Variants in RGS9 observed in about 807,000 individuals in gnomAD.
RGS9 encodes regulator of G-protein signalling 9.
In RGS9, 78 loss-of-function variants were observed where a neutral mutation model predicts 102.0. The observed-to-expected ratio is 0.76, with a 90% CI of 0.64 to 0.92. The LOEUF (loss-of-function observed/expected upper bound fraction) is 0.92. Among genes scored for constraint, RGS9 ranks in the 40% least tolerant of loss-of-function variants. The pLI is 0.00. For synonymous variants in RGS9, 353 were observed against 318.6 expected (o/e 1.11, Z -1.15); for missense variants, 833 against 866.1 (o/e 0.96, Z 0.48).
rs999967922 is a variant in RGS9 at position 65,200,273 on chromosome 17, G to A, written c.977-1720G>A. Among the ~76,000 whole-genome samples the A allele has an allele frequency of 4.0e-5, 6 of 151,448 alleles. No homozygotes were observed. The South Asian group carries it at 6.3e-4, about 16-fold the overall frequency. The stretch of plus-strand genomic sequence containing the variant: ...TCTCGAACTCCTGACCTTGTGATCC[G>A]CCCCCCTCAGCCTCCCAAAGTGCTG... On this transcript the variant is annotated intron_variant, in intron 13 of 18. Coordinates refer to ENST00000262406, the MANE Select transcript of RGS9 (RefSeq NM_003835.4).
chr17:65,160,897 A>G lies in RGS9; in HGVS notation c.411A>G (p.Glu137=). Residue 137 remains glutamate (E), a synonymous_variant, in exon 6 of 19, where the codon GAA becomes GAG. Transcript: ENST00000262406. ...ATATCAAAAAGAAAGGGATTTTGGAAGAATATGAAAAGGTATGGAGGTGCT... is the reference window on the plus strand; with the variant it reads ...ATATCAAAAAGAAAGGGATTTTGGAGGAATATGAAAAGGTATGGAGGTGCT... ...KRNIKKKGIL[E]EYEKENYNFL... The G allele has an allele frequency of 6.2e-7, 1 of 1,613,652 alleles. No individual in the cohort carries two copies. The highest frequency in any genetic ancestry group is 2.2e-5 in the East Asian group (1 of 44,890).
At chr17:65,215,544 CTTTTTT>C (rs1228869868) in intron 17 of RGS9, among the ~76,000 whole-genome samples, 1 of 105,134 alleles carries the variant, frequency 9.5e-6, no homozygotes, top group African/African-American at 4.3e-5. Flanking sequence ...TTCTTTCTTT[CTTTTTT>C]TTTGTTTTGA....
chr17:65,162,111 G>A (rs1023013234), intron 6 of RGS9, among the ~76,000 whole-genome samples: 3 of 152,270 alleles, frequency 2.0e-5, no homozygotes, highest in African/African-American at 7.2e-5. Flanking sequence ...GAGTTTCCAG[G>A]TTGGGTGTGG....
rs35132424 is a variant in RGS9 at position 65,143,936 on chromosome 17, G to GAAA, written c.57+6351_57+6353dup. Among the ~76,000 whole-genome samples, 998 of 138,234 alleles carry GAAA rather than the reference G, an allele frequency of 7.2e-3. 16 individuals carry two copies. Among genetic ancestry groups the GAAA allele is most frequent in the African/African-American group, 0.025 (938 of 37,676 alleles). 90.7% of individuals were successfully genotyped at this position (138,234 alleles called of 152,430 possible). A position where few individuals can be genotyped will look rare whatever the true frequency, so the allele number is the denominator to read the frequency against. On this transcript the variant is annotated intron_variant, in intron 1 of 18. Coordinates refer to ENST00000262406, the MANE Select transcript of RGS9 (RefSeq NM_003835.4). ...TGATCATGCCACTGTACTCCAGCCT[G>GAAA]AAAAAAAAAAAAAAGGAAACAAAAG...
intron 1 of RGS9, among the ~76,000 whole-genome samples, chr17:65,139,219 C>T (rs1910056147): frequency 1.4e-5 from 2 of 141,626 alleles, no homozygotes; most frequent in African/African-American, 5.3e-5. Context: ...TCCATCCTAA[C>T]TTACCTCTCC....
intron 7 of RGS9, among the ~76,000 whole-genome samples, chr17:65,165,145 C>A (rs1335457855): frequency 1.3e-5 from 2 of 152,144 alleles, no homozygotes; most frequent in African/African-American, 4.8e-5. Flanking sequence ...CTGAGCAGGA[C>A]TATCCCAGCA....
intron 9 of RGS9, among the ~76,000 whole-genome samples, chr17:65,181,867 C>T (rs1464425597): frequency 6.6e-6 from 1 of 152,208 alleles, no homozygotes; most frequent in Non-Finnish European, 1.5e-5. Flanking sequence ...GTCTAGAATG[C>T]TAATCAACAC....
chr17:65,208,569 T>C (rs918353067), intron 16 of RGS9, among the ~76,000 whole-genome samples: 10 of 152,174 alleles, frequency 6.6e-5, no homozygotes, highest in Non-Finnish European at 5.9e-5. Flanking sequence ...ATTGGGACAA[T>C]GGACGAAATA....
intron 18 of RGS9, among the ~76,000 whole-genome samples, chr17:65,226,511 A>G (rs971549608): frequency 6.6e-6 from 1 of 152,108 alleles, no homozygotes; most frequent in African/African-American, 2.4e-5. Flanking sequence ...GGAATATTCC[A>G]GCTTTGGGGC....
intron 17 of RGS9, among the ~76,000 whole-genome samples, chr17:65,215,683 C>T (rs2144119492): frequency 6.6e-6 from 1 of 152,084 alleles, no homozygotes; most frequent in East Asian, 1.9e-4. Context: ...GCCTCAGCCT[C>T]CCCAGTAGCT....
chr17:65,149,469 A>C (rs1486486858), intron 1 of RGS9, among the ~76,000 whole-genome samples: 1 of 152,116 alleles, frequency 6.6e-6, no homozygotes, highest in Non-Finnish European at 1.5e-5. Flanking sequence ...GACTGGGTGT[A>C]TGTCTTTTAC....
chr17:65,210,026 C>T (rs991508385), intron 16 of RGS9, among the ~76,000 whole-genome samples: 3 of 152,034 alleles, frequency 2.0e-5, no homozygotes, highest in African/African-American at 7.2e-5. Flanking sequence ...TGCAGTGAGC[C>T]GAAGTCGTGC....
chr17:65,187,161 T>C (rs2144057034), intron 9 of RGS9, among the ~76,000 whole-genome samples: 1 of 152,342 alleles, frequency 6.6e-6, no homozygotes, highest in Admixed American at 6.5e-5. Flanking sequence ...CCCATTCTTC[T>C]AGGCCCCCAA....
rs371447161 is a variant in RGS9, at chr17:65,146,204, T to A, written c.58-7218T>A. The stretch of plus-strand genomic sequence containing the variant: ...ATATGGGCTCCCTGCTTTTATAACA[T>A]GCTGCTGTTACATCTAATAAAAACC... On this transcript the variant is annotated intron_variant, in intron 1 of 18. Transcript: ENST00000262406. 1.4e-4 allele frequency among the ~76,000 whole-genome samples: 21 copies of A among 152,206 alleles called. 1 individual carries two copies. Among genetic ancestry groups the A allele is most frequent in the African/African-American group, 5.1e-4 (21 of 41,442 alleles).
chr17:65,156,286 G>A (rs556591502), intron 2 of RGS9, among the ~76,000 whole-genome samples: 85 of 152,342 alleles, frequency 5.6e-4, no homozygotes, highest in Non-Finnish European at 9.6e-4. Context: ...GCCTCCCAAA[G>A]TGCCGGGATT....
chr17:65,149,110 C>T (rs533517809), intron 1 of RGS9, among the ~76,000 whole-genome samples: 50 of 150,674 alleles, frequency 3.3e-4, no homozygotes, highest in African/African-American at 1.1e-3. Flanking sequence ...TGTAGGCGCC[C>T]GCCACCATGC....
intron 17 of RGS9, among the ~76,000 whole-genome samples, chr17:65,218,940 T>C (rs560133043): frequency 6.6e-6 from 1 of 152,266 alleles, no homozygotes; most frequent in African/African-American, 2.4e-5. Flanking sequence ...TTAAACCAAA[T>C]GGTGTGATAT....
At chr17:65,189,336 A>C in intron 10 of RGS9, 21 bp downstream of exon 10, 1 of 1,585,664 alleles carries the variant, frequency 6.3e-7, no homozygotes, top group Non-Finnish European at 8.7e-7. Context: ...TTACACTTCC[A>C]GTGAAGAATG....
At chr17:65,190,365 G>A (rs1912321914) in intron 11 of RGS9, 129 bp downstream of exon 11, 7 of 809,468 alleles carry the variant, frequency 8.6e-6, no homozygotes, top group Admixed American at 8.5e-5. Flanking sequence ...GACAAAACCA[G>A]TCTCTTGGGG....
Sources: gnomAD v4.1 joint callset for allele counts (sites outside exome capture counted in the v4.1 genomes callset) on GRCh38, gnomAD v4.1.1 for gene constraint, MANE v1.5 for transcripts, NCBI Gene and HGNC (gene_info 2026-07-23, HGNC 2026-07-21) for gene names.